PRH1: variants seen among roughly 807,000 people sequenced by gnomAD.
PRH1 encodes the protein proline rich protein HaeIII subfamily 1.
A neutral mutation model predicts 7.9 loss-of-function variants in PRH1; 7 were observed. The observed-to-expected ratio is 0.89, with a 90% CI of 0.50 to 1.67. PRH1 has a LOEUF of 1.67. Among genes scored for constraint, PRH1 ranks in the 40% most tolerant of loss-of-function variants. The probability of loss-of-function intolerance (pLI) is 0.00; values close to 1 mark genes in which losing one functional copy is unlikely to be tolerated. For missense variants in PRH1, 109 were observed against 223.6 expected, an observed-to-expected ratio of 0.49 and a Z score of 3.27; for synonymous variants, 45 against 80.8, an observed-to-expected ratio of 0.56 and a Z score of 2.38.
chr12:10,882,713 A>G lies in PRH1; in HGVS notation c.101-15T>C. On this transcript the variant is annotated splice_polypyrimidine_tract_variant and intron_variant, in intron 2 of 3. Transcript: ENST00000543626. ...GTCTCCTCCATCTGTGTGAGTTGAA[A>G]CAAGAAGAGCTGAGCTCATGCTGGA... 1 of 1,594,182 alleles carries G rather than the reference A, an allele frequency of 6.3e-7. No homozygotes were observed. Among genetic ancestry groups the G allele is most frequent in the South Asian group, 1.1e-5 (1 of 86,964 alleles).
intron 1 of PRH1, chr12:11,078,043 T>A: frequency 1.5e-6 from 1 of 653,768 alleles, no homozygotes; most frequent in African/African-American, 1.9e-5. Flanking sequence ...CACATTTGCA[T>A]ACCAATGTAA....
At chr12:10,928,673 T>C (rs1262985835) in intron 2 of PRH1, among the ~76,000 whole-genome samples, 1 of 152,250 alleles carries the variant, frequency 6.6e-6, no homozygotes, top group Non-Finnish European at 1.5e-5. Context: ...TTCTGTCATC[T>C]ATGTGTACCC....
intron 1 of PRH1, among the ~76,000 whole-genome samples, chr12:10,991,635 A>T (rs982248116): frequency 6.6e-6 from 1 of 152,184 alleles, no homozygotes; most frequent in Admixed American, 6.5e-5. Context: ...ATTCCTCTCT[A>T]TTGAACCATG....
intron 1 of PRH1, among the ~76,000 whole-genome samples, chr12:11,081,630 A>C (rs1299735329): frequency 5.5e-4 from 52 of 94,346 alleles, no homozygotes; most frequent in Admixed American, 8.8e-4. Flanking sequence ...AAACTCTGCT[A>C]ACAGGCAAAC....
chr12:11,145,179 T>G (rs985519312), intron 1 of PRH1, among the ~76,000 whole-genome samples: 4 of 152,158 alleles, frequency 2.6e-5, no homozygotes, highest in Non-Finnish European at 5.9e-5. Flanking sequence ...CTATACTTTT[T>G]TTGTTTTGTT....
chr12:10,992,100 C>T (rs1939961689), intron 1 of PRH1, among the ~76,000 whole-genome samples: 1 of 152,082 alleles, frequency 6.6e-6, no homozygotes, highest in Admixed American at 6.6e-5. Flanking sequence ...AACCCTTAGC[C>T]AGTTCTCTGG....
intron 1 of PRH1, among the ~76,000 whole-genome samples, chr12:11,015,790 T>A (rs1404840160): frequency 6.6e-6 from 1 of 152,144 alleles, no homozygotes; most frequent in Non-Finnish European, 1.5e-5. Context: ...CCCCATTTTT[T>A]CTAAGAAACA....
intron 1 of PRH1, among the ~76,000 whole-genome samples, chr12:11,080,830 A>T (rs1247221212): frequency 1.4e-5 from 1 of 73,552 alleles, no homozygotes; most frequent in Non-Finnish European, 3.6e-5. Context: ...TGAAGACATG[A>T]TTCCCATGAT....
chr12:10,922,825 C>CTTTTTTTTTTTTTTTTTTTT (rs139253542), intron 2 of PRH1, among the ~76,000 whole-genome samples: 1 of 113,550 alleles, frequency 8.8e-6, no homozygotes, highest in Non-Finnish European at 1.8e-5. Flanking sequence ...TGAATTTTTT[C>CTTTTTTTTTTTTTTTTTTTT]TTTTTCTTTT....
At chr12:11,009,262 TCA>T (rs974436073) in intron 1 of PRH1, among the ~76,000 whole-genome samples, 1 of 151,888 alleles carries the variant, frequency 6.6e-6, no homozygotes, top group African/African-American at 2.4e-5. Context: ...CTGTTGAAAA[TCA>T]GTTTGTTATT....
At chr12:11,023,051 T>G (rs554153458) in intron 1 of PRH1, among the ~76,000 whole-genome samples, 1 of 152,314 alleles carries the variant, frequency 6.6e-6, no homozygotes, top group East Asian at 1.9e-4. Flanking sequence ...AGCTTGGTCA[T>G]AACTAGGATC....
intron 1 of PRH1, chr12:11,091,957 G>C: frequency 8.6e-7 from 1 of 1,160,328 alleles, no homozygotes; most frequent in South Asian, 1.2e-5. Flanking sequence ...TGAAATGGTT[G>C]ATCACTGCCC....
intron 1 of PRH1, among the ~76,000 whole-genome samples, chr12:11,103,542 G>C (rs1407888750): frequency 6.6e-6 from 1 of 151,564 alleles, no homozygotes. Context: ...CCTGTTGTGG[G>C]GTGGGGGGAG....
intron 1 of PRH1, among the ~76,000 whole-genome samples, chr12:10,981,864 A>T (rs1472221963): frequency 2.1e-5 from 3 of 141,638 alleles, no homozygotes; most frequent in Admixed American, 7.0e-5. Context: ...CAAACAACTA[A>T]TTTTTTTTTT....
At chr12:11,073,522 G>A (rs376204311) in intron 1 of PRH1, among the ~76,000 whole-genome samples, 1,593 of 149,290 alleles carry the variant, frequency 0.011, no homozygotes, top group South Asian at 0.019. Context: ...GACTCTCTTG[G>A]GGTTTTGGAG....
intron 1 of PRH1, among the ~76,000 whole-genome samples, chr12:10,996,234 C>T (rs1254980902): frequency 1.3e-5 from 2 of 151,570 alleles, no homozygotes; most frequent in Non-Finnish European, 2.9e-5. Context: ...GAGGCTGACG[C>T]ATGGAAATCA....
intron 2 of PRH1, among the ~76,000 whole-genome samples, chr12:10,903,487 G>A (rs1054708908): frequency 6.6e-6 from 1 of 151,696 alleles, no homozygotes; most frequent in Admixed American, 6.6e-5. Context: ...CTGGACTCTT[G>A]AAAAAACGCT....
chr12:10,970,969 A>C (rs1447950754), intron 2 of PRH1, among the ~76,000 whole-genome samples: 1 of 152,254 alleles, frequency 6.6e-6, no homozygotes, highest in African/African-American at 2.4e-5. Context: ...ATGTAGTTTC[A>C]GTGTAATTTT....
intron 1 of PRH1, among the ~76,000 whole-genome samples, chr12:11,010,947 C>T (rs946950026): frequency 3.3e-5 from 5 of 151,734 alleles, no homozygotes; most frequent in African/African-American, 1.2e-4. Flanking sequence ...AATTATACTA[C>T]ACATATTTCT....
Sources: gnomAD v4.1 joint callset for allele counts (sites outside exome capture counted in the v4.1 genomes callset) on GRCh38, gnomAD v4.1.1 for gene constraint, MANE v1.5 for transcripts, NCBI Gene and HGNC (gene_info 2026-07-23, HGNC 2026-07-21) for gene names.